The following RIMKLB variants were observed in gnomAD, a reference collection of about 807,000 sequenced individuals.
The protein encoded by RIMKLB is beta-citrylglutamate synthase B.
In RIMKLB, 7 loss-of-function variants were observed where a neutral mutation model predicts 32.0. The observed-to-expected ratio is 0.22, with a 90% CI of 0.12 to 0.41. The LOEUF (loss-of-function observed/expected upper bound fraction) is 0.41. Among genes scored for constraint, RIMKLB ranks in the 10% least tolerant of loss-of-function variants. The pLI, the probability that RIMKLB is intolerant of heterozygous loss-of-function variation, is 1.00. For missense variants in RIMKLB, 289 were observed against 498.7 expected (o/e 0.58, Z 4.00); for synonymous variants, 172 against 185.1 (o/e 0.93, Z 0.57).
chr12:8,751,915 T>C, intron 3 of RIMKLB, 42 bp from the exon 4 acceptor site: 1 of 1,230,024 alleles, frequency 8.1e-7, no homozygotes, highest in African/African-American at 1.5e-5. Flanking sequence ...ACAAAATACT[T>C]CTGCTGCTGT....
chr12:8,686,253 TCC>T (rs1942567903), intron 1 of RIMKLB, among the ~76,000 whole-genome samples: 1 of 150,566 alleles, frequency 6.6e-6, no homozygotes, highest in Non-Finnish European at 1.5e-5. Flanking sequence ...CCGAGCCCTC[TCC>T]CCCTTCCCTC....
Position 8,751,939 on chromosome 12 carries a change from T to G in RIMKLB, c.407-18T>G. On this transcript the variant is annotated intron_variant, in intron 3 of 5. Coordinates refer to ENST00000535829, the MANE Select transcript of RIMKLB (RefSeq NM_001297776.2). ...TTCTGCTGCTGTTTGTCTTAAATTT[T>G]TGTATTGCTCAAACCAGGTGGCCAC... 6.5e-7 allele frequency: 1 copy of G among 1,546,592 alleles called. No individual in the cohort carries two copies. The highest frequency in any genetic ancestry group is 8.9e-7 in the Non-Finnish European group (1 of 1,120,698).
At chr12:8,748,576 A>AC (rs1948345856) in intron 2 of RIMKLB, among the ~76,000 whole-genome samples, 1 of 149,668 alleles carries the variant, frequency 6.7e-6, no homozygotes, top group African/African-American at 2.4e-5. Context: ...ATATATACAC[A>AC]AAATTTATAT....
chr12:8,766,291 G>A (rs1052758296), intron 5 of RIMKLB, among the ~76,000 whole-genome samples: 12 of 152,098 alleles, frequency 7.9e-5, no homozygotes, highest in African/African-American at 1.7e-4. Flanking sequence ...CTGTTTTCCC[G>A]CCTTTCTTGA....
upstream of RIMKLB, among the ~76,000 whole-genome samples, chr12:8,693,756 A>G (rs1942802470): frequency 6.6e-6 from 1 of 152,144 alleles, no homozygotes; most frequent in Non-Finnish European, 1.5e-5. Context: ...TGAAATGGCT[A>G]GATAACATGT....
At chr12:8,713,776 A>T in intron 1 of RIMKLB, 35 bp from the exon 2 acceptor site, 1 of 1,262,226 alleles carries the variant, frequency 7.9e-7, no homozygotes, top group African/African-American at 1.5e-5. Context: ...AGATTTCTTG[A>T]TTTACCTTTT....
At chr12:8,777,391 T>A (rs972812527), downstream of RIMKLB, 25 of 985,006 alleles carry the variant, frequency 2.5e-5, no homozygotes, top group Non-Finnish European at 2.8e-5. Flanking sequence ...AGTTTTGTTT[T>A]GGATTTTTGT....
downstream of RIMKLB, chr12:8,778,907 A>AG (rs1341596887): frequency 6.6e-6 from 1 of 152,238 alleles, no homozygotes; most frequent in African/African-American, 2.4e-5. Context: ...TTGTAGCTGA[A>AG]GGAAGACATG....
intron 2 of RIMKLB, among the ~76,000 whole-genome samples, chr12:8,739,315 T>C (rs1376432286): frequency 6.6e-6 from 1 of 152,140 alleles, no homozygotes; most frequent in Non-Finnish European, 1.5e-5. Context: ...CAAGAAAGCA[T>C]GTGTACAAGC....
chr12:8,683,734 C>G (rs1209718575), intron 1 of RIMKLB, among the ~76,000 whole-genome samples: 11 of 152,050 alleles, frequency 7.2e-5, no homozygotes, highest in African/African-American at 2.7e-4. Flanking sequence ...AAAGTAGATG[C>G]TTGTAATTTT....
At chr12:8,708,671 G>A (rs1295358762) in intron 1 of RIMKLB, among the ~76,000 whole-genome samples, 1 of 152,204 alleles carries the variant, frequency 6.6e-6, no homozygotes, top group Non-Finnish European at 1.5e-5. Flanking sequence ...GAGAAACAAA[G>A]TGGTACTTTC....
At chr12:8,733,819 G>A (rs1185507450) in intron 2 of RIMKLB, among the ~76,000 whole-genome samples, 2 of 152,232 alleles carry the variant, frequency 1.3e-5, no homozygotes, top group East Asian at 3.8e-4. Context: ...AGGAATTGGA[G>A]GCTGAAGTGA....
At chr12:8,698,638 C>T (rs894489098) in intron 1 of RIMKLB, among the ~76,000 whole-genome samples, 6 of 152,182 alleles carry the variant, frequency 3.9e-5, no homozygotes, top group South Asian at 2.1e-4. Flanking sequence ...GTGGTAACCC[C>T]GGGAACGCCG....
intron 2 of RIMKLB, among the ~76,000 whole-genome samples, chr12:8,748,443 A>G (rs1591871630): frequency 6.6e-6 from 1 of 151,644 alleles, no homozygotes; most frequent in Non-Finnish European, 1.5e-5. Flanking sequence ...TATAGTTCTT[A>G]CAGTTTAGGC....
chr12:8,735,450 G>C (rs753275397), intron 2 of RIMKLB, among the ~76,000 whole-genome samples: 1 of 151,996 alleles, frequency 6.6e-6, no homozygotes, highest in Non-Finnish European at 1.5e-5. Context: ...GGCTGGTGTC[G>C]AACTCCTGAC....
intron 2 of RIMKLB, among the ~76,000 whole-genome samples, chr12:8,743,498 T>TA (rs1163585735): frequency 7.0e-6 from 1 of 142,458 alleles, no homozygotes; most frequent in African/African-American, 3.1e-5. Context: ...CACTGGTACT[T>TA]ACTATTATTA....
At chr12:8,737,643 T>G (rs192289389) in intron 2 of RIMKLB, among the ~76,000 whole-genome samples, 19 of 152,116 alleles carry the variant, frequency 1.2e-4, no homozygotes, top group Non-Finnish European at 4.4e-5. Flanking sequence ...AAATGGATTT[T>G]CCCCCCCTCA....
At chr12:8,764,541 T>G (rs1949793070) in intron 5 of RIMKLB, among the ~76,000 whole-genome samples, 1 of 152,168 alleles carries the variant, frequency 6.6e-6, no homozygotes. Flanking sequence ...GGAGGACCGT[T>G]GTCCGGGACA....
At chr12:8,705,787 C>G (rs1943822276) in intron 1 of RIMKLB, among the ~76,000 whole-genome samples, 1 of 152,096 alleles carries the variant, frequency 6.6e-6, no homozygotes, top group Non-Finnish European at 1.5e-5. Context: ...ATGTTGCAGT[C>G]TTGGGTCTGA....
Sources: gnomAD v4.1 joint callset for allele counts (sites outside exome capture counted in the v4.1 genomes callset) on GRCh38, gnomAD v4.1.1 for gene constraint, MANE v1.5 for transcripts, NCBI Gene and HGNC (gene_info 2026-07-23, HGNC 2026-07-21) for gene names.